SIK2: variants seen among roughly 807,000 people sequenced by gnomAD.
SIK2 encodes serine/threonine-protein kinase SIK2.
A neutral mutation model predicts 103.2 loss-of-function variants in SIK2; 29 were observed. The observed-to-expected ratio is 0.28, with a 90% CI of 0.21 to 0.38. The LOEUF is 0.38. Ranked by LOEUF, SIK2 falls within the 10% of genes least tolerant of loss-of-function variation. The probability of loss-of-function intolerance (pLI) is 1.00; values close to 1 mark genes in which losing one functional copy is unlikely to be tolerated. For missense variants in SIK2, 879 were observed against 1,171.0 expected (o/e 0.75, Z 3.64); for synonymous variants, 412 against 446.1 (o/e 0.92, Z 0.96).
At chr11:111,673,081 C>A (rs949682084) in intron 3 of SIK2, among the ~76,000 whole-genome samples, 1 of 152,148 alleles carries the variant, frequency 6.6e-6, no homozygotes, top group Non-Finnish European at 1.5e-5. Context: ...CTGGAGACAT[C>A]ATTAAATGTA....
In SIK2 at chr11:111,730,146, CTG is replaced by C. The variant is rs1222940394; in HGVS notation, c.*6019_*6020del. 1 of 152,234 alleles carries C rather than the reference CTG, an allele frequency of 6.6e-6. No individual in the cohort carries two copies. Among genetic ancestry groups the C allele is most frequent in the African/African-American group, 2.4e-5 (1 of 41,458 alleles). The allele number at this position is 152,234 out of a possible 1,614,324, so 9.4% of individuals were successfully genotyped here. On this transcript the variant is annotated 3_prime_UTR_variant, in exon 15 of 15. Coordinates refer to ENST00000304987, the MANE Select transcript of SIK2 (RefSeq NM_015191.3). ...TAATAACAGACTTTGACTTAATACTCTGTCTTTTCAGAGGCAAAGTGGGTGGG... is the reference window on the plus strand; with the variant it reads ...TAATAACAGACTTTGACTTAATACTCTCTTTTCAGAGGCAAAGTGGGTGGG...
At chr11:111,646,949 A>G (rs1036265034) in intron 3 of SIK2, among the ~76,000 whole-genome samples, 9 of 152,224 alleles carry the variant, frequency 5.9e-5, no homozygotes, top group African/African-American at 2.2e-4. Context: ...ATTTATAAAC[A>G]TATGATTTCT....
intron 10 of SIK2, 65 bp downstream of exon 10, chr11:111,720,068 A>G (rs1943756485): frequency 6.7e-7 from 1 of 1,501,458 alleles, no homozygotes; most frequent in Admixed American, 1.9e-5. Context: ...AATTGCCAAC[A>G]AGTGGTCACG....
Position 111,701,651 on chromosome 11 carries a change from T to G in SIK2, c.727+76T>G. 2.0e-6 allele frequency: 3 copies of G among 1,529,988 alleles called. No individual in the cohort carries two copies. The highest frequency in any genetic ancestry group is 2.6e-6 in the Non-Finnish European group (3 of 1,134,038). 94.8% of individuals were successfully genotyped at this position (1,529,988 alleles called of 1,614,324 possible). On this transcript the variant is annotated intron_variant, in intron 6 of 14. Coordinates refer to ENST00000304987, the MANE Select transcript of SIK2 (RefSeq NM_015191.3). The surrounding 1 kb of genome is among the most constrained non-coding windows in gnomAD (Gnocchi z 4.2). The stretch of plus-strand genomic sequence containing the variant: ...AGTGAAATGCCTAGGTAAAAGCTTC[T>G]TTTTTTCTAAGAGTTTGGGTGCCAA...
intron 8 of SIK2, among the ~76,000 whole-genome samples, chr11:111,706,296 ACT>A (rs1248695176): frequency 9.2e-5 from 14 of 152,162 alleles, no homozygotes; most frequent in African/African-American, 2.9e-4. Flanking sequence ...CTTAGAGATG[ACT>A]CTGTTCTTGA....
chr11:111,712,565 A>G (rs537978538), intron 9 of SIK2, among the ~76,000 whole-genome samples, 190 bp downstream of exon 9: 1 of 152,330 alleles, frequency 6.6e-6, no homozygotes, highest in South Asian at 2.1e-4. Flanking sequence ...CATTATGACC[A>G]GTATGACCAT....
intron 3 of SIK2, among the ~76,000 whole-genome samples, chr11:111,656,568 C>T (rs1942394414): frequency 6.6e-6 from 1 of 152,124 alleles, no homozygotes; most frequent in African/African-American, 2.4e-5. Flanking sequence ...TAGAGAAACT[C>T]ATTAAGGTTA....
rs751158776 is a variant in SIK2 at position 111,722,787 on chromosome 11, C to G, written c.2147+31C>G. 1.3e-6 allele frequency: 2 copies of G among 1,599,860 alleles called. No individual in the cohort carries two copies. Among genetic ancestry groups the G allele is most frequent in the Non-Finnish European group, 1.7e-6 (2 of 1,170,188 alleles). Reference sequence around the variant, plus strand: ...AAGGGGACTTTGGCCAAAGAAGTTGCTTCCTTTTCTGGAAGCCTTGAGAAC... The same window carrying G: ...AAGGGGACTTTGGCCAAAGAAGTTGGTTCCTTTTCTGGAAGCCTTGAGAAC... On this transcript the variant is annotated intron_variant, in intron 14 of 14. Transcript: ENST00000304987. This position sits in a 1 kb window ranked among gnomAD's most constrained non-coding sequence, Gnocchi z 4.4.
At chr11:111,605,226 G>C (rs7122668) in intron 1 of SIK2, among the ~76,000 whole-genome samples, 5 of 152,250 alleles carry the variant, frequency 3.3e-5, no homozygotes, top group Admixed American at 2.6e-4. Flanking sequence ...GCCCCACAAA[G>C]TGCTGGGATT....
intron 2 of SIK2, among the ~76,000 whole-genome samples, chr11:111,617,380 C>T (rs1054366140): frequency 6.6e-6 from 1 of 152,134 alleles, no homozygotes; most frequent in African/African-American, 2.4e-5. Flanking sequence ...TGTTGAAAAG[C>T]TCTTTTTAAA....
chr11:111,623,544 C>G (rs1395272191), intron 3 of SIK2, among the ~76,000 whole-genome samples: 1 of 152,180 alleles, frequency 6.6e-6, no homozygotes, highest in Non-Finnish European at 1.5e-5. Flanking sequence ...ACAGTTTGAT[C>G]CATTTGGGTC....
chr11:111,688,017 T>G lies in SIK2; in HGVS notation c.333T>G (p.His111Gln), dbSNP rs1239270270. 6.2e-7 allele frequency: 1 copy of G among 1,614,180 alleles called. No individual in the cohort carries two copies. The highest frequency in any genetic ancestry group is 8.5e-7 in the Non-Finnish European group (1 of 1,180,016). The change falls in exon 4 of 15, where the codon CAT becomes CAG. Residue 111 changes from histidine (H) to glutamine (Q), a missense_variant. By Grantham distance (24) the His-to-Gln change is conservative. Transcript: ENST00000304987. The surrounding 1 kb of genome is among the most constrained non-coding windows in gnomAD (Gnocchi z 4.2). ...NGEIFDYLAN[H>Q]GRLNESEARR... Reference sequence around the variant, plus strand: ...CATTTACAGACTATCTTGCTAATCATGGCCGGTTAAATGAGTCTGAAGCCA... The same window carrying G: ...CATTTACAGACTATCTTGCTAATCAGGGCCGGTTAAATGAGTCTGAAGCCA...
chr11:111,612,549 A>G, intron 1 of SIK2, among the ~76,000 whole-genome samples: 1 of 152,114 alleles, frequency 6.6e-6, no homozygotes, highest in Non-Finnish European at 1.5e-5. Flanking sequence ...GTTCTAACTA[A>G]TGGAATGAAC....
intron 3 of SIK2, among the ~76,000 whole-genome samples, chr11:111,641,126 G>T (rs1942177444): frequency 6.6e-6 from 1 of 151,912 alleles, no homozygotes; most frequent in Non-Finnish European, 1.5e-5. Flanking sequence ...CTTGGAAATT[G>T]CCTTTTGTGA....
At chr11:111,615,302 A>AG (rs1383917266) in intron 1 of SIK2, among the ~76,000 whole-genome samples, 83 of 151,618 alleles carry the variant, frequency 5.5e-4, no homozygotes, top group Non-Finnish European at 9.1e-4. Context: ...AAAAAAAAAA[A>AG]AAGAAGAAAA....
chr11:111,693,405 C>CCATGAGA (rs1179480548), intron 4 of SIK2, among the ~76,000 whole-genome samples: 1 of 151,780 alleles, frequency 6.6e-6, no homozygotes, highest in Admixed American at 6.6e-5. Context: ...ATTGCCTCAA[C>CCATGAGA]CATGAGACCT....
In SIK2 at chr11:111,720,656, C is replaced by T. The variant is rs750326950; in HGVS notation, c.1674C>T (p.Thr558=). 4 of 1,614,080 alleles carry T rather than the reference C, an allele frequency of 2.5e-6. No homozygotes were observed. In the South Asian group the frequency reaches 4.4e-5, roughly 18 times the overall value. The change falls in exon 11 of 15, where the codon ACC becomes ACT. Residue 558 remains threonine (T), a synonymous_variant. Transcript: ENST00000304987. ...CTCCCTTCATAAGCCTGAGACCTAC[C>T]AACCCAGCCATGCAGGCTCTGAGCT... ...MTSPFISLRP[T]NPAMQALSSQ...
rs1483205052 is a variant in SIK2 at position 111,730,491 on chromosome 11, T to A, written c.*6362T>A. The A allele has an allele frequency of 6.6e-6, 1 of 152,248 alleles. No homozygotes were observed. Among genetic ancestry groups the A allele is most frequent in the Non-Finnish European group, 1.5e-5 (1 of 68,050 alleles). The allele number at this position is 152,248 out of a possible 1,614,324, so 9.4% of individuals were successfully genotyped here. ...GCACTTTGTAGAAAGGGCAAGATTA[T>A]TTGCTTATATCTGAAGGGAGGTGGG... is the stretch of plus-strand genomic sequence containing the variant. On this transcript the variant is annotated 3_prime_UTR_variant, in exon 15 of 15. Coordinates refer to ENST00000304987, the MANE Select transcript of SIK2 (RefSeq NM_015191.3).
intron 4 of SIK2, among the ~76,000 whole-genome samples, chr11:111,691,058 A>G (rs1189311495): frequency 6.6e-6 from 1 of 152,234 alleles, no homozygotes; most frequent in African/African-American, 2.4e-5. Flanking sequence ...GAAACTTGCA[A>G]ACAAAAAACA....
Sources: allele counts gnomAD v4.1 joint callset (sites outside exome capture counted in the v4.1 genomes callset), GRCh38; gene constraint gnomAD v4.1.1; non-coding constraint Gnocchi (gnomAD v3.1); transcripts MANE v1.5; gene names NCBI Gene and HGNC (gene_info 2026-07-23, HGNC 2026-07-21).